Variants in SLC6A5 observed in about 807,000 individuals in gnomAD.
The protein encoded by SLC6A5 is solute carrier family 6 member 5.
Under a neutral mutation model 90.5 loss-of-function variants are expected in SLC6A5, and 58 were observed. The ratio of observed to expected loss-of-function variants is 0.64; its 90% CI spans 0.52 to 0.80. SLC6A5 has a LOEUF of 0.80. Among genes scored for constraint, SLC6A5 ranks in the 30% least tolerant of loss-of-function variants. The pLI, the probability that SLC6A5 is intolerant of heterozygous loss-of-function variation, is 0.00. For synonymous variants in SLC6A5, 427 were observed against 401.4 expected (o/e 1.06, Z -0.76); for missense variants, 1,015 against 1,017.6 (o/e 1.00, Z 0.03).
intron 13 of SLC6A5, among the ~76,000 whole-genome samples, chr11:20,644,960 C>T (rs11604979): frequency 0.14 from 21,573 of 151,228 alleles, 1,667 homozygotes; most frequent in African/African-American, 0.19. Context: ...TACAGGCATG[C>T]GTCACCATGC....
chr11:20,599,646 C>A lies in SLC6A5; in HGVS notation c.-27C>A. ...GTCAATAGCGGGTTTCACCCTCCAC[C>A]AGTTCAGTCTGTTGCCTGTGTCAGA... On this transcript the variant is annotated 5_prime_UTR_variant, in exon 1 of 16. Coordinates refer to ENST00000525748, the MANE Select transcript of SLC6A5 (RefSeq NM_004211.5). The A allele has an allele frequency of 1.9e-6, 3 of 1,614,142 alleles. No homozygotes were observed. The highest frequency in any genetic ancestry group is 2.5e-6 in the Non-Finnish European group (3 of 1,179,986).
At chr11:20,621,100 G>A (rs527943810) in intron 7 of SLC6A5, among the ~76,000 whole-genome samples, 17 of 152,286 alleles carry the variant, frequency 1.1e-4, no homozygotes, top group South Asian at 1.0e-3. Context: ...ATCGTGCCCA[G>A]CTGGCCTAGA....
Position 20,654,949 on chromosome 11 carries a change from AT to A in SLC6A5, c.*86del. 1 of 1,381,766 alleles carries A rather than the reference AT, an allele frequency of 7.2e-7. No homozygotes were observed. The highest frequency in any genetic ancestry group is 1.0e-6 in the Non-Finnish European group (1 of 968,510). 85.6% of individuals were successfully genotyped at this position (1,381,766 alleles called of 1,614,324 possible). A position where few individuals can be genotyped will look rare whatever the true frequency, so the allele number is the denominator to read the frequency against. On this transcript the variant is annotated 3_prime_UTR_variant, in exon 16 of 16. Coordinates refer to ENST00000525748, the MANE Select transcript of SLC6A5 (RefSeq NM_004211.5). Reference sequence around the variant, plus strand: ...TAATGTTTTCCATAGCTCTCCTCCCATTTTTCTTCATCTTTCTTCCTACATC... The same window carrying A: ...TAATGTTTTCCATAGCTCTCCTCCCATTTTCTTCATCTTTCTTCCTACATC...
rs3045455 is a variant in SLC6A5 at position 20,659,054 on chromosome 11, C to CATATATATATAT, written c.*4203_*4214dup. 10 of 143,678 alleles carry CATATATATATAT rather than the reference C, an allele frequency of 7.0e-5. No homozygotes were observed. Among genetic ancestry groups the CATATATATATAT allele is most frequent in the African/African-American group, 1.3e-4 (5 of 39,460 alleles). The allele number at this position is 143,678 out of a possible 1,614,324, so 8.9% of individuals were successfully genotyped here. A position where few individuals can be genotyped will look rare whatever the true frequency, so the allele number is the denominator to read the frequency against. ...ATATATTATGTTACAAATGATGCATCATATATATATATATATATATATATA... is the reference window on the plus strand; with the variant it reads ...ATATATTATGTTACAAATGATGCATCATATATATATATATATATATATATATATATATATATA... On this transcript the variant is annotated 3_prime_UTR_variant, in exon 16 of 16. Transcript: ENST00000525748.
rs1207600372 is a variant in SLC6A5, at chr11:20,637,193, G to A, written c.1759G>A (p.Val587Met). ...DTMFATIETI[V>M]TSISDEFPKY... ...CCAGTTTGCCACCATCGAGACCATAGTGACCTCCATCTCAGACGAGTTTCC... is the reference window on the plus strand; with the variant it reads ...CCAGTTTGCCACCATCGAGACCATAATGACCTCCATCTCAGACGAGTTTCC... The change falls in exon 12 of 16, where the codon GTG becomes ATG. Residue 587 changes from valine (V) to methionine (M), a missense_variant. Around this residue, in one of 3 missense-constraint regions of SLC6A5, gnomAD observed 442 missense variants for 494.3 expected, o/e 0.89. Coordinates refer to ENST00000525748, the MANE Select transcript of SLC6A5 (RefSeq NM_004211.5). The A allele has an allele frequency of 1.2e-6, 2 of 1,613,942 alleles. No individual in the cohort carries two copies. Among genetic ancestry groups the A allele is most frequent in the South Asian group, 1.1e-5 (1 of 91,060 alleles).
chr11:20,619,180 G>A (rs1312125205), intron 7 of SLC6A5, among the ~76,000 whole-genome samples: 3 of 152,274 alleles, frequency 2.0e-5, no homozygotes, highest in South Asian at 2.1e-4. Context: ...GGATTTCTGC[G>A]ATTATGTTAC....
intron 4 of SLC6A5, 105 bp from the exon 5 acceptor site, chr11:20,607,374 A>C: frequency 7.4e-7 from 1 of 1,343,202 alleles, no homozygotes; most frequent in Non-Finnish European, 1.1e-6. Flanking sequence ...TAGTGCATCC[A>C]TTCTGTACAA....
chr11:20,619,306 A>C (rs1485840745), intron 7 of SLC6A5, among the ~76,000 whole-genome samples: 1 of 152,250 alleles, frequency 6.6e-6, no homozygotes, highest in East Asian at 1.9e-4. Context: ...TCTATTAGCC[A>C]CATAGACCGA....
At chr11:20,601,728 C>A in intron 2 of SLC6A5, 63 bp downstream of exon 2, 1 of 1,546,666 alleles carries the variant, frequency 6.5e-7, no homozygotes, top group Non-Finnish European at 8.8e-7. Context: ...GAGAGGCCAG[C>A]CGGGCCGTGG....
intron 10 of SLC6A5, 102 bp from the exon 11 acceptor site, chr11:20,636,205 A>T: frequency 1.3e-6 from 1 of 750,278 alleles, no homozygotes; most frequent in Non-Finnish European, 2.4e-6. Context: ...AGCATATAAG[A>T]AGTAATAAAT....
intron 7 of SLC6A5, among the ~76,000 whole-genome samples, chr11:20,619,490 C>T (rs1217203155): frequency 6.6e-6 from 1 of 152,196 alleles, no homozygotes; most frequent in Non-Finnish European, 1.5e-5. Context: ...ATCAGGTCAG[C>T]TAGAGAGAAC....
chr11:20,599,908 C>G (rs1483322463), intron 1 of SLC6A5, among the ~76,000 whole-genome samples: 1 of 152,058 alleles, frequency 6.6e-6, no homozygotes, highest in African/African-American at 2.4e-5. Context: ...TCCTAAAGAC[C>G]CGATCCCGGG....
Position 20,627,958 on chromosome 11 carries a change from CTCTT to C in SLC6A5, c.1396-19_1396-16del. 6.3e-7 allele frequency: 1 copy of C among 1,588,482 alleles called. No individual in the cohort carries two copies. Among genetic ancestry groups the C allele is most frequent in the Non-Finnish European group, 8.6e-7 (1 of 1,156,914 alleles). ...CCAGTCTCCTTCATGGGTCTTGAAT[CTCTT>C]TCCCTTTTGCCTCTCAGGTGTGGAA... is the stretch of plus-strand genomic sequence containing the variant. On this transcript the variant is annotated intron_variant, in intron 8 of 15. Transcript: ENST00000525748.
Position 20,656,765 on chromosome 11 carries a change from A to C in SLC6A5, c.*1897A>C, listed in dbSNP as rs1853641720. On this transcript the variant is annotated 3_prime_UTR_variant, in exon 16 of 16. Transcript: ENST00000525748. Reference sequence around the variant, plus strand: ...TTTCCCCCCTTGTCTCCCAAAGCTCAAACTTGCTTGAGTCTATCATAGAGA... The same window carrying C: ...TTTCCCCCCTTGTCTCCCAAAGCTCCAACTTGCTTGAGTCTATCATAGAGA... 6.6e-6 allele frequency: 1 copy of C among 152,174 alleles called. No homozygotes were observed. The highest frequency in any genetic ancestry group is 2.4e-5 in the African/African-American group (1 of 41,414). 9.4% of individuals were successfully genotyped at this position (152,174 alleles called of 1,614,324 possible). A position where few individuals can be genotyped will look rare whatever the true frequency, so the allele number is the denominator to read the frequency against.
At chr11:20,626,364 G>A (rs544479050) in intron 7 of SLC6A5, among the ~76,000 whole-genome samples, 4 of 151,836 alleles carry the variant, frequency 2.6e-5, no homozygotes, top group Non-Finnish European at 4.4e-5. Context: ...GTGCTCTAGC[G>A]GGCATGGGCA....
chr11:20,646,340 C>T (rs1052220322), intron 13 of SLC6A5, among the ~76,000 whole-genome samples: 3 of 152,116 alleles, frequency 2.0e-5, no homozygotes, highest in African/African-American at 7.2e-5. Flanking sequence ...TTGCACGGCA[C>T]AAAGATAAAT....
intron 2 of SLC6A5, among the ~76,000 whole-genome samples, chr11:20,602,394 A>G (rs377387917): frequency 2.6e-3 from 401 of 152,282 alleles, no homozygotes; most frequent in Non-Finnish European, 4.7e-3. Context: ...GCAAATCCCA[A>G]TCCTTGGGTT....
rs1197977655 is a variant in SLC6A5, at chr11:20,623,812, G to A, written c.1261-2896G>A. ...TCTGAAATGTTCTCCCAGACATCCA[G>A]TTGGCTCACCCTGACTTTCTTCCTT... On this transcript the variant is annotated intron_variant, in intron 7 of 15. Coordinates refer to ENST00000525748, the MANE Select transcript of SLC6A5 (RefSeq NM_004211.5). Among the ~76,000 whole-genome samples, 4 of 152,012 alleles carry A rather than the reference G, an allele frequency of 2.6e-5. No homozygotes were observed. The East Asian group carries it at 5.8e-4, about 22-fold the overall frequency.
At chr11:20,607,263 T>C in intron 4 of SLC6A5, 125 bp downstream of exon 4, 3 of 1,379,668 alleles carry the variant, frequency 2.2e-6, no homozygotes, top group South Asian at 1.2e-5. Context: ...CCTTCCTTTA[T>C]TTGATCCTTC....
Sources: allele counts gnomAD v4.1 joint callset (sites outside exome capture counted in the v4.1 genomes callset), GRCh38; gene constraint gnomAD v4.1.1; regional missense constraint gnomAD v4.1.1; transcripts MANE v1.5; gene names NCBI Gene and HGNC (gene_info 2026-07-23, HGNC 2026-07-21).